ST3GAL3: variants seen among roughly 807,000 people sequenced by gnomAD.
The protein encoded by ST3GAL3 is ST3 beta-galactoside alpha-2,3-sialyltransferase 3.
A neutral mutation model predicts 50.1 loss-of-function variants in ST3GAL3; 21 were observed. The observed-to-expected ratio is 0.42, with a 90% CI of 0.30 to 0.60. The LOEUF is 0.60. Ranked by LOEUF, ST3GAL3 falls within the 20% of genes least tolerant of loss-of-function variation. The pLI is 0.19. For missense variants in ST3GAL3, 353 were observed against 489.4 expected (o/e 0.72, Z 2.63); for synonymous variants, 183 against 190.0 (o/e 0.96, Z 0.30).
intron 9 of ST3GAL3, among the ~76,000 whole-genome samples, chr1:43,904,952 A>C (rs953969815): frequency 8.2e-3 from 29 of 3,534 alleles, no homozygotes; most frequent in Non-Finnish European, 9.2e-3. Flanking sequence ...CCTTTCTGCC[A>C]CTCTTCCTCC....
chr1:43,719,522 G>C (rs550843937), intron 1 of ST3GAL3, among the ~76,000 whole-genome samples: 6 of 151,988 alleles, frequency 3.9e-5, no homozygotes, highest in Non-Finnish European at 8.8e-5. Context: ...CAAATCAGGC[G>C]GGTGTGGTGG....
chr1:43,771,422 A>G (rs1695112861), intron 2 of ST3GAL3, among the ~76,000 whole-genome samples: 1 of 150,824 alleles, frequency 6.6e-6, no homozygotes, highest in Admixed American at 6.6e-5. Context: ...CAGTGGCGTG[A>G]TCTCGGCTCA....
intron 1 of ST3GAL3, among the ~76,000 whole-genome samples, chr1:43,709,168 G>T (rs1163749059): frequency 6.6e-6 from 1 of 152,160 alleles, no homozygotes; most frequent in African/African-American, 2.4e-5. Flanking sequence ...GATGACAAAG[G>T]TGCAGGGGAA....
Position 43,787,099 on chromosome 1 carries a change from A to G in ST3GAL3, c.119-5003A>G, listed in dbSNP as rs373090302. Among the ~76,000 whole-genome samples, 34 of 152,348 alleles carry G rather than the reference A, an allele frequency of 2.2e-4. 1 individual carries two copies. In the South Asian group the frequency reaches 5.8e-3, roughly 26 times the overall value. ...AACCAGACACAGGAAACATCTGACT[A>G]TAATAAAAGATTGCCAGTAAATTCT... On this transcript the variant is annotated intron_variant, in intron 2 of 11. Coordinates refer to ENST00000347631, the MANE Select transcript of ST3GAL3 (RefSeq NM_006279.5).
rs766294054 is a variant in ST3GAL3 at position 43,905,205 on chromosome 1, C to CCCT, written c.744+5485_744+5487dup. Among the ~76,000 whole-genome samples the CCCT allele has an allele frequency of 1.0e-4, 11 of 107,182 alleles. 1 individual carries two copies. The highest frequency in any genetic ancestry group is 9.2e-4 in the South Asian group (2 of 2,166). 70.3% of individuals were successfully genotyped at this position (107,182 alleles called of 152,430 possible). A position where few individuals can be genotyped will look rare whatever the true frequency, so the allele number is the denominator to read the frequency against. ...TTTCTCTTCCTGCCACTCTTCCTCCCCCTCCTCCTGTTCCTCTTCCCGCCA... is the reference window on the plus strand; with the variant it reads ...TTTCTCTTCCTGCCACTCTTCCTCCCCCTCCTCCTCCTGTTCCTCTTCCCGCCA... On this transcript the variant is annotated intron_variant, in intron 9 of 11. Transcript: ENST00000347631.
At chr1:43,825,765 A>G (rs1423232372) in intron 4 of ST3GAL3, among the ~76,000 whole-genome samples, 3 of 152,206 alleles carry the variant, frequency 2.0e-5, no homozygotes, top group Non-Finnish European at 4.4e-5. Context: ...AGGAAATTTG[A>G]TTAGAGAGGG....
At chr1:43,731,993 T>A (rs1291069248) in intron 1 of ST3GAL3, among the ~76,000 whole-genome samples, 1 of 152,222 alleles carries the variant, frequency 6.6e-6, no homozygotes, top group East Asian at 1.9e-4. Flanking sequence ...TCTTAATTTT[T>A]AAATATTATT....
At chr1:43,764,020 A>C (rs1328920762) in intron 2 of ST3GAL3, among the ~76,000 whole-genome samples, 2 of 152,178 alleles carry the variant, frequency 1.3e-5, no homozygotes, top group Non-Finnish European at 2.9e-5. Flanking sequence ...TCATTTATTC[A>C]ATGAGATAGT....
intron 3 of ST3GAL3, among the ~76,000 whole-genome samples, chr1:43,806,055 G>A (rs2059850139): frequency 6.6e-6 from 1 of 151,988 alleles, no homozygotes; most frequent in East Asian, 1.9e-4. Flanking sequence ...TCTAAAAGAG[G>A]GCCTTCGAAC....
intron 1 of ST3GAL3, among the ~76,000 whole-genome samples, chr1:43,734,628 T>C (rs920178456): frequency 2.0e-5 from 3 of 152,162 alleles, no homozygotes; most frequent in African/African-American, 7.2e-5. Flanking sequence ...ATTTTCTAAT[T>C]GGTTATTGCT....
intron 5 of ST3GAL3, among the ~76,000 whole-genome samples, chr1:43,867,824 A>G (rs537029067): frequency 4.6e-5 from 7 of 152,256 alleles, no homozygotes; most frequent in Admixed American, 2.0e-4. Flanking sequence ...AAACAGAATG[A>G]CCTAACTCTG....
chr1:43,767,935 G>A (rs376577670), intron 2 of ST3GAL3, among the ~76,000 whole-genome samples: 69 of 151,404 alleles, frequency 4.6e-4, no homozygotes, highest in Non-Finnish European at 1.8e-4. Flanking sequence ...AAAAATAACC[G>A]AAGGTTGAAA....
At chr1:43,778,635 T>C (rs1176957943) in intron 2 of ST3GAL3, among the ~76,000 whole-genome samples, 1 of 131,068 alleles carries the variant, frequency 7.6e-6, no homozygotes, top group Non-Finnish European at 1.7e-5. Flanking sequence ...AGATTTCTTT[T>C]CTTTTTTTCT....
At chr1:43,820,354 C>G (rs2061936805) in intron 4 of ST3GAL3, among the ~76,000 whole-genome samples, 1 of 152,146 alleles carries the variant, frequency 6.6e-6, no homozygotes, top group Non-Finnish European at 1.5e-5. Context: ...AAAATCCTAA[C>G]AGAAAACCTA....
At chr1:43,900,424 C>A (rs1184698113) in intron 9 of ST3GAL3, among the ~76,000 whole-genome samples, 1 of 152,200 alleles carries the variant, frequency 6.6e-6, no homozygotes, top group Non-Finnish European at 1.5e-5. Context: ...AGAGTAAGGT[C>A]AACTGCTCTT....
chr1:43,862,286 T>C (rs970836863), intron 5 of ST3GAL3, among the ~76,000 whole-genome samples: 1 of 152,240 alleles, frequency 6.6e-6, no homozygotes, highest in Admixed American at 6.5e-5. Flanking sequence ...AAGCTTTTCC[T>C]GCCCTGGAGC....
At chr1:43,882,141 G>C (rs2075250925) in intron 5 of ST3GAL3, among the ~76,000 whole-genome samples, 1 of 152,268 alleles carries the variant, frequency 6.6e-6, no homozygotes, top group Admixed American at 6.5e-5. Context: ...GGTCAGCCCT[G>C]TGTGGCTCAG....
At chr1:43,779,612 T>C (rs944367259) in intron 2 of ST3GAL3, among the ~76,000 whole-genome samples, 3 of 152,200 alleles carry the variant, frequency 2.0e-5, no homozygotes, top group African/African-American at 7.2e-5. Context: ...CTTTCTTCAA[T>C]GGAAGATGAA....
rs146422897 is a variant in ST3GAL3, at chr1:43,743,486, A to G, written c.118+7106A>G. 12 of 416,686 alleles carry G rather than the reference A, an allele frequency of 2.9e-5. No homozygotes were observed. In the East Asian group the frequency reaches 9.2e-4, roughly 32 times the overall value. The allele number at this position is 416,686 out of a possible 1,614,324, so 25.8% of individuals were successfully genotyped here. On this transcript the variant is annotated intron_variant, in intron 2 of 11. Coordinates refer to ENST00000347631, the MANE Select transcript of ST3GAL3 (RefSeq NM_006279.5). ...ACACTTAAGAGCAACGATCATACTA[A>G]TTTGAAGGTGGTGGGGCAGATTGGT...
Sources: allele counts gnomAD v4.1 joint callset (sites outside exome capture counted in the v4.1 genomes callset), GRCh38; gene constraint gnomAD v4.1.1; transcripts MANE v1.5; gene names NCBI Gene and HGNC (gene_info 2026-07-23, HGNC 2026-07-21).